MAPK8IP3: variants seen among roughly 807,000 people sequenced by gnomAD.
The protein encoded by MAPK8IP3 is C-Jun-amino-terminal kinase-interacting protein 3.
A neutral mutation model predicts 157.8 loss-of-function variants in MAPK8IP3; 49 were observed. That is an observed-to-expected ratio of 0.31 (90% CI 0.25 to 0.39). The LOEUF (loss-of-function observed/expected upper bound fraction) is 0.39. Among genes scored for constraint, MAPK8IP3 ranks in the 10% least tolerant of loss-of-function variants. The pLI, the probability that MAPK8IP3 is intolerant of heterozygous loss-of-function variation, is 1.00. For missense variants in MAPK8IP3, 1,478 were observed against 1,889.4 expected, an observed-to-expected ratio of 0.78 and a Z score of 4.04; for synonymous variants, 897 against 777.7, an observed-to-expected ratio of 1.15 and a Z score of -2.55.
chr16:1,766,506 T>A (rs748194874), intron 22 of MAPK8IP3, 23 bp from the exon 23 acceptor site: 4 of 1,606,220 alleles, frequency 2.5e-6, no homozygotes, highest in Admixed American at 1.7e-5. Flanking sequence ...TGGCCCCCCC[T>A]GGAGCCACCG....
intron 12 of MAPK8IP3, among the ~76,000 whole-genome samples, chr16:1,761,021 TG>T (rs2141920983): frequency 6.6e-6 from 1 of 152,314 alleles, no homozygotes; most frequent in South Asian, 2.1e-4. Context: ...CATGCAGCAG[TG>T]GCTCAGGGCC....
At position 1,722,472 on chromosome 16, in the gene MAPK8IP3, C is replaced by A. The variant is rs201903860; in HGVS notation, c.319-2085C>A. Among the ~76,000 whole-genome samples the A allele has an allele frequency of 2.6e-5, 4 of 152,290 alleles. No homozygotes were observed. The East Asian group carries it at 7.7e-4, about 29-fold the overall frequency. On this transcript the variant is annotated intron_variant, in intron 1 of 31. Transcript: ENST00000610761. ...GAGTGGGTAGAGTTATTATAGGGAA[C>A]ACAGCTGTGGCCACTACCCATGGAT...
Position 1,740,556 on chromosome 16 carries a change from C to T in MAPK8IP3, c.603-2776C>T, listed in dbSNP as rs145573668. On this transcript the variant is annotated intron_variant, in intron 4 of 31. Coordinates refer to ENST00000610761, the MANE Select transcript of MAPK8IP3 (RefSeq NM_001318852.2). Reference sequence around the variant, plus strand: ...TCTAACACCTGTCTCCTTGTCTCGCCCTCTGTGCCATCACCACATGCTGAC... The same window carrying T: ...TCTAACACCTGTCTCCTTGTCTCGCTCTCTGTGCCATCACCACATGCTGAC... 5.9e-5 allele frequency among the ~76,000 whole-genome samples: 9 copies of T among 152,342 alleles called. No individual in the cohort carries two copies. In the East Asian group the frequency reaches 1.3e-3, roughly 23 times the overall value.
rs997821849 is a variant in MAPK8IP3 at position 1,763,529 on chromosome 16, G to A, written c.1899-128G>A. ...GCCACCCTTCCCAGCTGGGCACCCG[G>A]TGGCCGGGAAAAGGCGAGGATGGGC... is the stretch of plus-strand genomic sequence containing the variant. On this transcript the variant is annotated intron_variant, in intron 16 of 31. Transcript: ENST00000610761. 54 of 1,299,000 alleles carry A rather than the reference G, an allele frequency of 4.2e-5. No homozygotes were observed. In the African/African-American group the frequency reaches 7.4e-4, roughly 18 times the overall value. 80.5% of individuals were successfully genotyped at this position (1,299,000 alleles called of 1,614,324 possible). A position where few individuals can be genotyped will look rare whatever the true frequency, so the allele number is the denominator to read the frequency against.
In MAPK8IP3 at chr16:1,770,100, C is replaced by G. The variant is rs921188745; in HGVS notation, c.*1276C>G. The G allele has an allele frequency of 6.6e-6, 1 of 152,666 alleles. No homozygotes were observed. The highest frequency in any genetic ancestry group is 1.5e-5 in the Non-Finnish European group (1 of 68,232). The allele number at this position is 152,666 out of a possible 1,614,324, so 9.5% of individuals were successfully genotyped here. On this transcript the variant is annotated 3_prime_UTR_variant, in exon 32 of 32. Coordinates refer to ENST00000610761, the MANE Select transcript of MAPK8IP3 (RefSeq NM_001318852.2). ...CTGCCCCACAAGCCCCGCTGGCCAC[C>G]GAGGGCTGCAGCCGCTGCGCTGCCG...
rs555847387 is a variant in MAPK8IP3 at position 1,751,009 on chromosome 16, CAT to C, written c.1216+2290_1216+2291del. Among the ~76,000 whole-genome samples, 85 of 152,330 alleles carry C rather than the reference CAT, an allele frequency of 5.6e-4. No individual in the cohort carries two copies. The highest frequency in any genetic ancestry group is 1.4e-3 in the African/African-American group (60 of 41,574). On this transcript the variant is annotated intron_variant, in intron 8 of 31. Coordinates refer to ENST00000610761, the MANE Select transcript of MAPK8IP3 (RefSeq NM_001318852.2). This position sits in a 1 kb window ranked among gnomAD's most constrained non-coding sequence, Gnocchi z 5.0. ...GCCCATGGCCCACAGAGGTATGACA[CAT>C]GTGTACGCAGAACACACAGTGTCAG...
intron 26 of MAPK8IP3, 133 bp from the exon 27 acceptor site, chr16:1,767,431 G>T (rs953533196): frequency 7.3e-5 from 110 of 1,498,820 alleles, no homozygotes; most frequent in Non-Finnish European, 9.7e-5. Flanking sequence ...ACTCAGGCTC[G>T]AACAGGCGCA....
Position 1,762,193 on chromosome 16 carries a change from C to T in MAPK8IP3, c.1540-158C>T, listed in dbSNP as rs140517448. Among the ~76,000 whole-genome samples the T allele has an allele frequency of 2.9e-3, 441 of 152,322 alleles. 7 individuals carry two copies. Among genetic ancestry groups the T allele is most frequent in the Admixed American group, 7.1e-3 (108 of 15,308 alleles). On this transcript the variant is annotated intron_variant, in intron 13 of 31. Coordinates refer to ENST00000610761, the MANE Select transcript of MAPK8IP3 (RefSeq NM_001318852.2). ...TGGTGCATGCCTTTTGTATGGTTCC[C>T]CTCCCCGCTTGCCGACACCCCTCCA...
intron 4 of MAPK8IP3, among the ~76,000 whole-genome samples, chr16:1,739,124 G>T (rs2040391278): frequency 7.4e-6 from 1 of 135,086 alleles, no homozygotes; most frequent in Admixed American, 7.6e-5. Context: ...GAGCATCCGT[G>T]TGAGCGTGTG....
rs1431031022 is a variant in MAPK8IP3, at chr16:1,764,466, A to G, written c.2280+7A>G. 7 of 1,607,574 alleles carry G rather than the reference A, an allele frequency of 4.4e-6. No homozygotes were observed. In the African/African-American group the frequency reaches 8.0e-5, roughly 18 times the overall value. On this transcript the variant is annotated splice_region_variant and intron_variant, in intron 19 of 31. Transcript: ENST00000610761. ...GTCTCCCGAGAAGAAGAAGGTGAGC[A>G]TGGCCGAGGCCACCGGGCACCCTCC...
rs1216964852 is a variant in MAPK8IP3, at chr16:1,768,117, G to A, written c.3562+10G>A. 33 of 1,611,956 alleles carry A rather than the reference G, an allele frequency of 2.0e-5. No homozygotes were observed. The highest frequency in any genetic ancestry group is 2.8e-5 in the Non-Finnish European group (33 of 1,179,966). ...CTCCTGGGGCTCCGAGGTAAGCCCAGCCACCTCGTGTCCCCTCACGGGAGC... is the reference window on the plus strand; with the variant it reads ...CTCCTGGGGCTCCGAGGTAAGCCCAACCACCTCGTGTCCCCTCACGGGAGC... On this transcript the variant is annotated intron_variant, in intron 29 of 31. Coordinates refer to ENST00000610761, the MANE Select transcript of MAPK8IP3 (RefSeq NM_001318852.2).
intron 4 of MAPK8IP3, among the ~76,000 whole-genome samples, chr16:1,731,045 CAGG>C (rs1008856555): frequency 6.6e-6 from 1 of 152,076 alleles, no homozygotes; most frequent in Non-Finnish European, 1.5e-5. Flanking sequence ...GAGGCTGAGG[CAGG>C]AGAATTGCTT....
At chr16:1,760,161 G>A (rs1271691601) in intron 11 of MAPK8IP3, 146 bp downstream of exon 11, 1 of 1,013,286 alleles carries the variant, frequency 9.9e-7, no homozygotes, top group African/African-American at 1.6e-5. Context: ...GGAACTTGGA[G>A]CAGGACTCTG....
In MAPK8IP3 at chr16:1,724,671, G is replaced by A; in HGVS notation, c.433G>A (p.Asp145Asn). ...GGAGCTGAAGGCCAAGAACTATGCC[G>A]ATCAGAGTAAGTGGCTGGCGGGAGC... ...QLELKAKNYA[D>N]QISRLEERES... The change falls in exon 2 of 32, where the codon GAT becomes AAT. Residue 145 changes from aspartate to asparagine, a missense_variant. Around this residue, in one of 11 missense-constraint regions of MAPK8IP3, gnomAD observed 65 missense variants for 161.8 expected, o/e 0.40. Coordinates refer to ENST00000610761, the MANE Select transcript of MAPK8IP3 (RefSeq NM_001318852.2). This position sits in a 1 kb window ranked among gnomAD's most constrained non-coding sequence, Gnocchi z 4.1. 4.3e-6 allele frequency: 7 copies of A among 1,612,652 alleles called. No individual in the cohort carries two copies. Among genetic ancestry groups the A allele is most frequent in the Admixed American group, 1.7e-5 (1 of 60,014 alleles).
At chr16:1,750,447 C>T (rs547747735) in intron 8 of MAPK8IP3, among the ~76,000 whole-genome samples, 10 of 152,020 alleles carry the variant, frequency 6.6e-5, no homozygotes, top group Admixed American at 2.6e-4. Flanking sequence ...TCCTGACCTC[C>T]GGTGATCCAC....
intron 4 of MAPK8IP3, among the ~76,000 whole-genome samples, chr16:1,731,083 T>C (rs2039287720): frequency 6.6e-6 from 1 of 151,960 alleles, no homozygotes; most frequent in Admixed American, 6.6e-5. Context: ...GAGACTGCAG[T>C]GAGCTGAGAT....
intron 1 of MAPK8IP3, among the ~76,000 whole-genome samples, chr16:1,716,310 C>CTTT (rs1195691751): frequency 3.9e-5 from 5 of 129,544 alleles, no homozygotes; most frequent in African/African-American, 5.8e-5. Flanking sequence ...CAGGTCATTT[C>CTTT]TTTTTTTTTT....
intron 1 of MAPK8IP3, among the ~76,000 whole-genome samples, chr16:1,718,188 AT>A (rs34304224): frequency 1.7e-3 from 240 of 139,102 alleles, no homozygotes; most frequent in African/African-American, 2.0e-3. Flanking sequence ...GAAGTAAATG[AT>A]TTTTTTTTTT....
At chr16:1,713,313 G>A (rs1185630292) in intron 1 of MAPK8IP3, among the ~76,000 whole-genome samples, 1 of 152,152 alleles carries the variant, frequency 6.6e-6, no homozygotes, top group African/African-American at 2.4e-5. Flanking sequence ...CAAACTTCTG[G>A]ACCGAAGCAA....
Sources: allele counts gnomAD v4.1 joint callset (sites outside exome capture counted in the v4.1 genomes callset), GRCh38; gene constraint gnomAD v4.1.1; regional missense constraint gnomAD v4.1.1; non-coding constraint Gnocchi (gnomAD v3.1); transcripts MANE v1.5; gene names NCBI Gene and HGNC (gene_info 2026-07-23, HGNC 2026-07-21).